MCF2L: variants seen among roughly 807,000 people sequenced by gnomAD.
The protein encoded by MCF2L is guanine nucleotide exchange factor DBS.
In MCF2L, 97 loss-of-function variants were observed where a neutral mutation model predicts 153.4. That is an observed-to-expected ratio of 0.63 (90% CI 0.54 to 0.75). The LOEUF (loss-of-function observed/expected upper bound fraction) is 0.75, where lower values mean the gene tolerates loss of function less well. Ranked by LOEUF, MCF2L falls within the 30% of genes least tolerant of loss-of-function variation. MCF2L has a pLI of 0.00. For synonymous variants in MCF2L, 659 were observed against 632.2 expected (o/e 1.04, Z -0.64); for missense variants, 1,347 against 1,495.2 (o/e 0.90, Z 1.64).
Position 113,045,159 on chromosome 13 carries a change from A to G in MCF2L, c.279-112A>G, listed in dbSNP as rs1400913320. On this transcript the variant is annotated intron_variant, in intron 3 of 29. Transcript: ENST00000535094. The surrounding 1 kb of genome is among the most constrained non-coding windows in gnomAD (Gnocchi z 4.2). ...ATGCCTCTCACCTGGTATTGCAGAA[A>G]TGGCATCATGAATATGGGGGATCGC... 1.3e-5 allele frequency: 13 copies of G among 1,016,310 alleles called. No individual in the cohort carries two copies. Among genetic ancestry groups the G allele is most frequent in the Non-Finnish European group, 1.9e-5 (12 of 644,658 alleles). The allele number at this position is 1,016,310 out of a possible 1,614,324, so 63.0% of individuals were successfully genotyped here. A position where few individuals can be genotyped will look rare whatever the true frequency, so the allele number is the denominator to read the frequency against.
At chr13:112,897,511 GA>G (rs1250029857) in intron 1 of MCF2L, among the ~76,000 whole-genome samples, 1 of 152,214 alleles carries the variant, frequency 6.6e-6, no homozygotes, top group African/African-American at 2.4e-5. Flanking sequence ...CCAGAGCTGG[GA>G]AGCTGTGGGA....
In MCF2L at chr13:113,086,143, G is replaced by A. The variant is rs1172167779; in HGVS notation, c.2267G>A (p.Arg756Lys). 6.8e-6 allele frequency: 11 copies of A among 1,608,830 alleles called. No homozygotes were observed. The African/African-American group carries it at 1.1e-4, about 16-fold the overall frequency. Residue 756 changes from arginine (R) to lysine (K), a missense_variant, in exon 21 of 30, where the codon AGG becomes AAG. By Grantham distance (26) the Arg-to-Lys change is conservative (BLOSUM62 2). Around this residue, in one of 3 missense-constraint regions of MCF2L, gnomAD observed 144 missense variants for 238.7 expected, o/e 0.60. Transcript: ENST00000535094. ...CCTCAGGAAATGCTGAAATACAGCA[G>A]GAACTGCGAGGGGGCTGAGGACCTG... ...LLLKEMLKYSRNCEGAEDLQE... is the reference protein window; with the variant it reads ...LLLKEMLKYSKNCEGAEDLQE...
At chr13:113,050,235 AGTGTGTGC>A (rs1340571186) in intron 4 of MCF2L, among the ~76,000 whole-genome samples, 3 of 149,276 alleles carry the variant, frequency 2.0e-5, no homozygotes, top group Admixed American at 2.0e-4. Context: ...TGAGTGTGTG[AGTGTGTGC>A]GCGAGTGGGA....
intron 1 of MCF2L, chr13:112,902,193 C>T: frequency 6.2e-7 from 1 of 1,610,158 alleles, no homozygotes; most frequent in Non-Finnish European, 8.5e-7. Flanking sequence ...AATCTTTTTT[C>T]TGCAGCCTCA....
Position 113,045,116 on chromosome 13 carries a change from C to T in MCF2L, c.279-155C>T, listed in dbSNP as rs2086727119. 1.1e-6 allele frequency: 1 copy of T among 908,472 alleles called. No homozygotes were observed. The highest frequency in any genetic ancestry group is 1.7e-6 in the Non-Finnish European group (1 of 579,110). 56.3% of individuals were successfully genotyped at this position (908,472 alleles called of 1,614,324 possible). On this transcript the variant is annotated intron_variant, in intron 3 of 29. Coordinates refer to ENST00000535094, the MANE Select transcript of MCF2L (RefSeq NM_001112732.3). This position sits in a 1 kb window ranked among gnomAD's most constrained non-coding sequence, Gnocchi z 4.2. ...TTCTGGGACTGCGGGGATGGGGCTG[C>T]CGGGGCCCCCGTGTGCCATGCCTCT...
intron 25 of MCF2L, 88 bp downstream of exon 25, chr13:113,088,716 G>A: frequency 7.6e-7 from 1 of 1,320,562 alleles, no homozygotes; most frequent in Non-Finnish European, 1.1e-6. Context: ...GCCTCTGTCA[G>A]TGGGACCCTG....
intron 2 of MCF2L, among the ~76,000 whole-genome samples, chr13:112,903,401 G>T (rs546587762): frequency 6.6e-6 from 1 of 152,316 alleles, no homozygotes; most frequent in African/African-American, 2.4e-5. Context: ...CTGAGGGCTG[G>T]TGCCCAGGAA....
At chr13:113,063,995 G>A in intron 5 of MCF2L, 1 of 422,644 alleles carries the variant, frequency 2.4e-6, no homozygotes, top group South Asian at 1.9e-5. Context: ...ACACGTCTGT[G>A]GTCACAAAGC....
chr13:113,060,803 G>C, intron 5 of MCF2L, 91 bp downstream of exon 5: 1 of 1,547,740 alleles, frequency 6.5e-7, no homozygotes, highest in Admixed American at 1.7e-5. Context: ...TCGAGGAGCT[G>C]ACTTCAGGGC....
At chr13:113,087,855 TG>T (rs2034786901) in intron 23 of MCF2L, 56 bp downstream of exon 23, 1 of 1,410,866 alleles carries the variant, frequency 7.1e-7, no homozygotes, top group African/African-American at 1.4e-5. Flanking sequence ...TGGTTTCTCA[TG>T]GGAACCAGTG....
At chr13:113,059,384 C>G (rs371192250) in intron 4 of MCF2L, among the ~76,000 whole-genome samples, 1 of 152,368 alleles carries the variant, frequency 6.6e-6, no homozygotes, top group African/African-American at 2.4e-5. Flanking sequence ...GCAGGACATC[C>G]TGGTGAGTCG....
Position 113,060,651 on chromosome 13 carries a change from A to C in MCF2L, c.428A>C (p.Gln143Pro). ...VLVLRPTGFF[Q>P]RTLSDIAFKF... ...GTGCTTCGCCCGACGGGTTTTTTCC[A>C]AAGGACTCTCTCCGACATCGCTTTC... The change falls in exon 5 of 30, where the codon CAA becomes CCA. Residue 143 changes from glutamine to proline, a missense_variant. By Grantham distance (76) the Gln-to-Pro change is moderately conservative (BLOSUM62 -1). This residue lies in a region of MCF2L where 820 missense variants were observed against 921.2 expected (regional missense o/e 0.89). Coordinates refer to ENST00000535094, the MANE Select transcript of MCF2L (RefSeq NM_001112732.3). 1 of 1,613,652 alleles carries C rather than the reference A, an allele frequency of 6.2e-7. No individual in the cohort carries two copies. Among genetic ancestry groups the C allele is most frequent in the Non-Finnish European group, 8.5e-7 (1 of 1,179,966 alleles).
chr13:113,081,631 G>T (rs900774722), intron 16 of MCF2L, among the ~76,000 whole-genome samples: 5 of 152,286 alleles, frequency 3.3e-5, no homozygotes, highest in African/African-American at 4.8e-5. Context: ...CTCGTCGGAG[G>T]TGGGAGGCAG....
intron 1 of MCF2L, among the ~76,000 whole-genome samples, chr13:112,992,618 A>G (rs760629519): frequency 1.2e-4 from 19 of 152,316 alleles, no homozygotes; most frequent in Middle Eastern, 6.8e-3. Flanking sequence ...TGAAGCAGTG[A>G]GCTGGGCCCA....
At position 112,993,385 on chromosome 13, in the gene MCF2L, A is replaced by G. The variant is rs557689263; in HGVS notation, c.80-21378A>G. On this transcript the variant is annotated intron_variant, in intron 1 of 29. Coordinates refer to ENST00000535094, the MANE Select transcript of MCF2L (RefSeq NM_001112732.3). The surrounding 1 kb of genome is among the most constrained non-coding windows in gnomAD (Gnocchi z 4.6). The stretch of plus-strand genomic sequence containing the variant: ...AGGAATTTGACTGTTAGCCACAGAG[A>G]CCGCCAGGAGGGCTTTTAGGAGATA... 1.3e-5 allele frequency among the ~76,000 whole-genome samples: 2 copies of G among 152,178 alleles called. No homozygotes were observed. Among genetic ancestry groups the G allele is most frequent in the Non-Finnish European group, 2.9e-5 (2 of 68,030 alleles).
chr13:113,077,203 C>T lies in MCF2L; in HGVS notation c.1652C>T (p.Pro551Leu), dbSNP rs752662363. The stretch of plus-strand genomic sequence containing the variant: ...GAGGCACTGGCAAAGTCGCCCTGCC[C>T]CTCCCCAGGTCTGTGTGGCCGCCCG... ...RPEALAKSPC[P>L]SPGIRRGSEN... Residue 551 changes from proline to leucine, a missense_variant, in exon 13 of 30, where the codon CCC (proline) becomes CTC (leucine). Pro to Leu is a moderately conservative substitution (Grantham distance 98, BLOSUM62 -3). Transcript: ENST00000535094. 5 of 1,585,678 alleles carry T rather than the reference C, an allele frequency of 3.2e-6. No individual in the cohort carries two copies. The highest frequency in any genetic ancestry group is 8.6e-7 in the Non-Finnish European group (1 of 1,165,186).
intron 2 of MCF2L, among the ~76,000 whole-genome samples, chr13:112,964,031 G>A (rs1594392212): frequency 6.6e-6 from 1 of 152,136 alleles, no homozygotes; most frequent in African/African-American, 2.4e-5. Context: ...GTAACTGAGA[G>A]AGGTTGGGTT....
intron 1 of MCF2L, among the ~76,000 whole-genome samples, chr13:113,006,990 G>A (rs1392858070): frequency 1.3e-5 from 2 of 152,202 alleles, no homozygotes; most frequent in East Asian, 1.9e-4. Context: ...CAGGGTCAGG[G>A]TCTCTGAACT....
At chr13:112,915,995 G>A (rs1268310099) in intron 2 of MCF2L, among the ~76,000 whole-genome samples, 4 of 150,758 alleles carry the variant, frequency 2.7e-5, no homozygotes, top group African/African-American at 7.3e-5. Context: ...TCAGGAGATC[G>A]AGACCATCCT....
Sources: gnomAD v4.1 joint callset for allele counts (sites outside exome capture counted in the v4.1 genomes callset) on GRCh38, gnomAD v4.1.1 for gene constraint, gnomAD v4.1.1 regional missense constraint, Gnocchi (gnomAD v3.1) non-coding constraint, MANE v1.5 for transcripts, NCBI Gene and HGNC (gene_info 2026-07-23, HGNC 2026-07-21) for gene names.